EGF: variants seen among roughly 807,000 people sequenced by gnomAD.
EGF encodes the protein epidermal growth factor, also known as pro-epidermal growth factor.
A neutral mutation model predicts 143.8 loss-of-function variants in EGF; 95 were observed. That is an observed-to-expected ratio of 0.66 (90% CI 0.56 to 0.78). The LOEUF (loss-of-function observed/expected upper bound fraction) is 0.78. Ranked by LOEUF, EGF falls within the 30% of genes least tolerant of loss-of-function variation. The pLI, the probability that EGF is intolerant of heterozygous loss-of-function variation, is 0.00. For synonymous variants in EGF, 510 were observed against 510.5 expected (o/e 1.00, Z 0.01); for missense variants, 1,320 against 1,470.9 (o/e 0.90, Z 1.68).
chr4:110,002,446 T>C (rs531567507), intron 21 of EGF, among the ~76,000 whole-genome samples: 34 of 152,264 alleles, frequency 2.2e-4, no homozygotes, highest in African/African-American at 8.2e-4. Flanking sequence ...TAAGCCGTGA[T>C]TGCACCACTG....
At position 109,994,776 on chromosome 4, in the gene EGF, T is replaced by G; in HGVS notation, c.2901T>G (p.Tyr967Ter). The G allele has an allele frequency of 6.2e-7, 1 of 1,614,172 alleles. No homozygotes were observed. Among genetic ancestry groups the G allele is most frequent in the Non-Finnish European group, 8.5e-7 (1 of 1,179,998 alleles). The change falls in exon 20 of 24, where the codon TAT (tyrosine) becomes TAG (stop). Residue 967 changes from tyrosine to a stop codon, truncating the protein, a stop_gained. Coordinates refer to ENST00000265171, the MANE Select transcript of EGF (RefSeq NM_001963.6). LOFTEE classifies it high-confidence loss of function. ...PPHLREDDHH[Y>*]SVRNSDSECP... ...ACCTCAGGGAAGATGACCACCACTA[T>G]TCCGTAAGAAATAGTGACTCTGAAT...
At chr4:109,973,112 C>G (rs747892056) in intron 11 of EGF, among the ~76,000 whole-genome samples, 1 of 152,174 alleles carries the variant, frequency 6.6e-6, no homozygotes, top group African/African-American at 2.4e-5. Flanking sequence ...TCCTGTCTGC[C>G]TGTGGTCCCA....
At position 109,912,979 on chromosome 4, in the gene EGF, C is replaced by A; in HGVS notation, c.-357C>A. ...AGCTGGAACTTTCCATCAGTTCTTC[C>A]TTTCTTTTTCCTCTCTAAGCCTTTG... On this transcript the variant is annotated 5_prime_UTR_variant, in exon 1 of 24. Transcript: ENST00000265171. The A allele has an allele frequency of 3.9e-6, 1 of 254,938 alleles. No homozygotes were observed. The highest frequency in any genetic ancestry group is 7.7e-6 in the Non-Finnish European group (1 of 130,050). The allele number at this position is 254,938 out of a possible 1,614,324, so 15.8% of individuals were successfully genotyped here.
At chr4:109,938,304 T>C (rs755341025) in intron 1 of EGF, among the ~76,000 whole-genome samples, 4 of 152,250 alleles carry the variant, frequency 2.6e-5, no homozygotes, top group Non-Finnish European at 5.9e-5. Flanking sequence ...CTCGATTGAA[T>C]TGACTATTGA....
At position 109,963,305 on chromosome 4, in the gene EGF, G is replaced by A; in HGVS notation, c.1438+7G>A. On this transcript the variant is annotated splice_region_variant and intron_variant, in intron 9 of 23. Transcript: ENST00000265171. Reference sequence around the variant, plus strand: ...AAAAGCTGTGCAGCTTCAGGTTAGTGCTGTGGTTGTCTGGAACTGTGTCCC... The same window carrying A: ...AAAAGCTGTGCAGCTTCAGGTTAGTACTGTGGTTGTCTGGAACTGTGTCCC... The A allele has an allele frequency of 6.2e-7, 1 of 1,613,848 alleles. No homozygotes were observed. The highest frequency in any genetic ancestry group is 1.1e-5 in the South Asian group (1 of 91,076).
chr4:110,004,375 A>G lies in EGF; in HGVS notation c.3174-130A>G, dbSNP rs138249373. 2.5e-3 allele frequency: 2,014 copies of G among 810,836 alleles called. 39 individuals carry two copies. In the Admixed American group the frequency reaches 0.029, roughly 12 times the overall value. The allele number at this position is 810,836 out of a possible 1,614,324, so 50.2% of individuals were successfully genotyped here. A position where few individuals can be genotyped will look rare whatever the true frequency, so the allele number is the denominator to read the frequency against. On this transcript the variant is annotated intron_variant, in intron 21 of 23. Coordinates refer to ENST00000265171, the MANE Select transcript of EGF (RefSeq NM_001963.6). ...TAAAGTTATGTTCCTAGTTATCTTC[A>G]TATTTCTTCTCTCCCACACAAGTAC...
intron 9 of EGF, among the ~76,000 whole-genome samples, chr4:109,963,980 T>C (rs1009664453): frequency 1.2e-4 from 18 of 152,190 alleles, no homozygotes; most frequent in African/African-American, 4.1e-4. Flanking sequence ...ACTCAAATCA[T>C]TGTGCCTCCC....
At position 109,976,052 on chromosome 4, in the gene EGF, G is replaced by A. The variant is rs567044142; in HGVS notation, c.1870G>A (p.Glu624Lys). The A allele has an allele frequency of 1.9e-6, 3 of 1,613,866 alleles. No individual in the cohort carries two copies. The highest frequency in any genetic ancestry group is 1.1e-5 in the South Asian group (1 of 91,074). The change falls in exon 13 of 24, where the codon GAA becomes AAA. Residue 624 changes from glutamate to lysine, a missense_variant. Glu to Lys is a moderately conservative substitution (Grantham distance 56). Around this residue, in one of 5 missense-constraint regions of EGF, gnomAD observed 1,186 missense variants for 1,313.7 expected, o/e 0.90. Transcript: ENST00000265171. ...TGATACAGGGATTAATCCACGAATT[G>A]AAAGTTCTTCCCTCCAAGGCCTTGG... ...WTDTGINPRI[E>K]SSSLQGLGRL... is the part of the protein sequence containing the mutation.
At chr4:109,955,164 C>T (rs1349842470) in intron 5 of EGF, among the ~76,000 whole-genome samples, 1 of 152,114 alleles carries the variant, frequency 6.6e-6, no homozygotes, top group Non-Finnish European at 1.5e-5. Context: ...CAGAACTGGG[C>T]CAGGGTAAAA....
At chr4:109,944,429 A>C (rs1467149728) in intron 4 of EGF, among the ~76,000 whole-genome samples, 2 of 152,252 alleles carry the variant, frequency 1.3e-5, no homozygotes, top group East Asian at 3.9e-4. Flanking sequence ...ACAGAGCGAG[A>C]CTCCGTCTCA....
In EGF at chr4:109,983,581, C is replaced by A. The variant is rs1246773087; in HGVS notation, c.2491+40C>A. 1.9e-6 allele frequency: 3 copies of A among 1,612,080 alleles called. No individual in the cohort carries two copies. The African/African-American group carries it at 4.0e-5, about 22-fold the overall frequency. Reference sequence around the variant, plus strand: ...TTCTCCAATATACCTTTGGTTCCAACAGTTTCCATCCTACCAATGAGAAAT... The same window carrying A: ...TTCTCCAATATACCTTTGGTTCCAAAAGTTTCCATCCTACCAATGAGAAAT... On this transcript the variant is annotated intron_variant, in intron 16 of 23. Coordinates refer to ENST00000265171, the MANE Select transcript of EGF (RefSeq NM_001963.6).
At chr4:109,987,198 T>G (rs1338876868) in intron 16 of EGF, among the ~76,000 whole-genome samples, 1 of 152,216 alleles carries the variant, frequency 6.6e-6, no homozygotes, top group Non-Finnish European at 1.5e-5. Context: ...AAATTATAAA[T>G]AAGTTCATAT....
At chr4:109,946,694 C>T (rs889043882) in intron 5 of EGF, among the ~76,000 whole-genome samples, 19 of 151,982 alleles carry the variant, frequency 1.3e-4, no homozygotes, top group Admixed American at 9.8e-4. Flanking sequence ...TTTTTAGCCA[C>T]CATATATACA....
In EGF at chr4:109,912,893, A is replaced by C. The variant is rs1158036052; in HGVS notation, c.-443A>C. 1 of 178,754 alleles carries C rather than the reference A, an allele frequency of 5.6e-6. No homozygotes were observed. Among genetic ancestry groups the C allele is most frequent in the African/African-American group, 2.4e-5 (1 of 41,828 alleles). The allele number at this position is 178,754 out of a possible 1,614,324, so 11.1% of individuals were successfully genotyped here. On this transcript the variant is annotated 5_prime_UTR_variant, in exon 1 of 24. Transcript: ENST00000265171. ...AGTCATTCCACTTTTCAAAAAGAGA[A>C]ACTGTTGGGAGAGGAATCGTATCTC...
At chr4:109,988,536 A>AT (rs765382577) in intron 17 of EGF, 48 bp from the exon 18 acceptor site, 1 of 1,612,958 alleles carries the variant, frequency 6.2e-7, no homozygotes, top group Admixed American at 1.7e-5. Context: ...AGTCCCATTT[A>AT]TATCAGGATT....
intron 20 of EGF, among the ~76,000 whole-genome samples, chr4:109,997,099 G>C (rs1439163319): frequency 6.6e-6 from 1 of 152,074 alleles, no homozygotes; most frequent in African/African-American, 2.4e-5. Flanking sequence ...GGTGGGTTAG[G>C]GGAAGCCAGT....
intron 12 of EGF, 146 bp downstream of exon 12, chr4:109,974,953 T>C: frequency 1.6e-6 from 1 of 607,186 alleles, no homozygotes; most frequent in Non-Finnish European, 2.9e-6. Flanking sequence ...TTTTAATGTC[T>C]TGATTTTCTA....
chr4:109,988,004 TTGAA>T, intron 17 of EGF, 144 bp downstream of exon 17: 1 of 647,550 alleles, frequency 1.5e-6, no homozygotes, highest in South Asian at 1.6e-5. Flanking sequence ...AAAAAAAAAA[TTGAA>T]TGACATGCAT....
intron 1 of EGF, among the ~76,000 whole-genome samples, chr4:109,933,169 T>G (rs1378093632): frequency 6.6e-6 from 1 of 152,204 alleles, no homozygotes; most frequent in Non-Finnish European, 1.5e-5. Context: ...GCGAAGCTGG[T>G]GGGGTCAGGA....
Sources: gnomAD v4.1 joint callset for allele counts (sites outside exome capture counted in the v4.1 genomes callset) on GRCh38, gnomAD v4.1.1 for gene constraint, gnomAD v4.1.1 regional missense constraint, MANE v1.5 for transcripts, NCBI Gene and HGNC (gene_info 2026-07-23, HGNC 2026-07-21) for gene names.